DIO2: variants seen among roughly 807,000 people sequenced by gnomAD.
DIO2 encodes type II iodothyronine deiodinase.
DIO2 carries 19 observed loss-of-function variants against 21.4 expected under a neutral mutation model. That is an observed-to-expected ratio of 0.89 (90% confidence interval 0.62 to 1.30). The LOEUF (loss-of-function observed/expected upper bound fraction) is 1.30, where lower values mean the gene tolerates loss of function less well. Ranked by LOEUF, DIO2 falls within the 50% of genes most tolerant of loss-of-function variation. DIO2 has a pLI of 0.00. For synonymous variants in DIO2, 122 were observed against 132.9 expected (o/e 0.92, Z 0.57); for missense variants, 302 against 338.1 (o/e 0.89, Z 0.84).
At chr14:80,230,606 C>G (rs1471853435) in intron 2 of DIO2, among the ~76,000 whole-genome samples, 1 of 152,124 alleles carries the variant, frequency 6.6e-6, no homozygotes, top group Non-Finnish European at 1.5e-5. Context: ...AACTCCTTAC[C>G]TCTCATGAGC....
At chr14:80,226,850 C>A (rs953061821) in intron 2 of DIO2, among the ~76,000 whole-genome samples, 16 of 152,340 alleles carry the variant, frequency 1.1e-4, no homozygotes, top group African/African-American at 3.8e-4. Flanking sequence ...CATTGGTCAG[C>A]ACTCACATGG....
In DIO2 at chr14:80,203,067, T is replaced by C. The variant is rs1171082096; in HGVS notation, c.444A>G (p.Glu148=). The change falls in exon 2 of 2, where the codon GAA becomes GAG. Residue 148 remains glutamate, a synonymous_variant. Transcript: ENST00000438257. ...SQLPAFRKLV[E]EFSSVADFLL... is the part of the protein sequence containing the mutation. ...GGAAGTCAGCCACTGAGGAGAACTC[T>C]TCCACCAGTTTGCGGAAGGCTGGCA... 6.2e-7 allele frequency: 1 copy of C among 1,613,940 alleles called. No individual in the cohort carries two copies. The highest frequency in any genetic ancestry group is 1.1e-5 in the South Asian group (1 of 91,074).
chr14:80,223,070 A>C (rs1888498066), intron 2 of DIO2, among the ~76,000 whole-genome samples: 1 of 151,112 alleles, frequency 6.6e-6, no homozygotes, highest in Non-Finnish European at 1.5e-5. Flanking sequence ...CTGGTCTCAA[A>C]CTCCTGGGCT....
rs528367596 is a variant in DIO2 at position 80,220,693 on chromosome 14, CA to C, written c.-277-3957del. On this transcript the variant is annotated intron_variant, in intron 2 of 4. Transcript: ENST00000553594. ...TATAACTAAAAATGACTTTAATCTA[CA>C]TTTCCATTCTTCCAATTCTCCTCAG... 1.7e-4 allele frequency among the ~76,000 whole-genome samples: 26 copies of C among 152,292 alleles called. 1 individual carries two copies. The Middle Eastern group carries it at 0.01, about 60-fold the overall frequency.
chr14:80,230,295 A>T (rs902125143), intron 2 of DIO2, among the ~76,000 whole-genome samples: 5 of 152,090 alleles, frequency 3.3e-5, no homozygotes, highest in African/African-American at 1.2e-4. Flanking sequence ...CCTCACTTTA[A>T]CAGTAGACAC....
At position 80,202,504 on chromosome 14, in the gene DIO2, A is replaced by C; in HGVS notation, c.*185T>G. On this transcript the variant is annotated 3_prime_UTR_variant, in exon 2 of 2. Transcript: ENST00000438257. ...AAGAAGAGAGGTGATATGGTTACTT[A>C]CTCAGCCCAATGCCATTTGAGTAGT... 2 of 735,060 alleles carry C rather than the reference A, an allele frequency of 2.7e-6. No individual in the cohort carries two copies. The highest frequency in any genetic ancestry group is 4.2e-5 in the Admixed American group (2 of 47,266). 45.5% of individuals were successfully genotyped at this position (735,060 alleles called of 1,614,324 possible).
chr14:80,210,246 G>A (rs1888122170), intron 1 of DIO2, among the ~76,000 whole-genome samples: 1 of 152,174 alleles, frequency 6.6e-6, no homozygotes, highest in African/African-American at 2.4e-5. Context: ...GGGCATAGCA[G>A]GTGGGGGAAA....
chr14:80,206,159 C>G, intron 1 of DIO2: 2 of 973,614 alleles, frequency 2.1e-6, no homozygotes, highest in Non-Finnish European at 3.1e-6. Flanking sequence ...CATGAAGGTG[C>G]CTAGGCAAGA....
upstream of DIO2, among the ~76,000 whole-genome samples, chr14:80,213,467 T>C (rs965456146): frequency 2.0e-5 from 3 of 152,198 alleles, no homozygotes; most frequent in Admixed American, 2.0e-4. Context: ...TAATTTGTCG[T>C]CCTGTTAGCT....
intron 2 of DIO2, among the ~76,000 whole-genome samples, chr14:80,223,078 G>A (rs1403775102): frequency 2.0e-5 from 3 of 151,882 alleles, no homozygotes; most frequent in African/African-American, 2.4e-5. Flanking sequence ...AAACTCCTGG[G>A]CTCAAGAGAT....
chr14:80,227,593 A>T (rs980608891), intron 2 of DIO2, among the ~76,000 whole-genome samples: 25 of 152,250 alleles, frequency 1.6e-4, no homozygotes, highest in Admixed American at 1.3e-3. Flanking sequence ...ATGCTCCAAA[A>T]TCCTACAGGC....
chr14:80,214,213 C>A (rs1566665359), upstream of DIO2, among the ~76,000 whole-genome samples: 1 of 152,172 alleles, frequency 6.6e-6, no homozygotes, highest in Non-Finnish European at 1.5e-5. Flanking sequence ...GAATCTCTCC[C>A]CTTCTCAGAC....
At chr14:80,216,946 A>G (rs1019474196) in intron 2 of DIO2, among the ~76,000 whole-genome samples, 1 of 152,200 alleles carries the variant, frequency 6.6e-6, no homozygotes, top group African/African-American at 2.4e-5. Flanking sequence ...CACCTCCCTC[A>G]TATGCTGAAA....
At chr14:80,225,810 G>A (rs528790875) in intron 2 of DIO2, among the ~76,000 whole-genome samples, 1 of 152,178 alleles carries the variant, frequency 6.6e-6, no homozygotes, top group African/African-American at 2.4e-5. Flanking sequence ...CCTTAATGGT[G>A]CAGTAGACTG....
Position 80,202,387 on chromosome 14 carries a change from G to A in DIO2, c.*302C>T, listed in dbSNP as rs374883683. 102 of 619,818 alleles carry A rather than the reference G, an allele frequency of 1.6e-4. No homozygotes were observed. In the African/African-American group the frequency reaches 1.8e-3, roughly 11 times the overall value. 38.4% of individuals were successfully genotyped at this position (619,818 alleles called of 1,614,324 possible). A position where few individuals can be genotyped will look rare whatever the true frequency, so the allele number is the denominator to read the frequency against. ...TCTGGTCTCAAAGCATGCATCAGAT[G>A]TATCAGTTCCTTCTCAATGCAGAAT... On this transcript the variant is annotated 3_prime_UTR_variant, in exon 2 of 2. Transcript: ENST00000438257.
At chr14:80,206,416 A>G (rs1300902622) in intron 1 of DIO2, 3 of 764,210 alleles carry the variant, frequency 3.9e-6, no homozygotes, top group East Asian at 2.9e-5. Context: ...AAAGGATATT[A>G]CTGTTCATTC....
chr14:80,203,547 G>T (rs1887831912), intron 1 of DIO2, among the ~76,000 whole-genome samples: 1 of 152,148 alleles, frequency 6.6e-6, no homozygotes, highest in Non-Finnish European at 1.5e-5. Context: ...ATCACTGAAG[G>T]CACTGGAGTT....
chr14:80,199,613 T>C lies in DIO2; in HGVS notation c.*3076A>G, dbSNP rs1459917545. ...TTGTTGATCCCACTAGTATTTTCAC[T>C]AAGCAATAAATAAAGTCAGTTTTTG... On this transcript the variant is annotated 3_prime_UTR_variant, in exon 2 of 2. Transcript: ENST00000438257. 1 of 152,584 alleles carries C rather than the reference T, an allele frequency of 6.6e-6. No individual in the cohort carries two copies. The highest frequency in any genetic ancestry group is 2.4e-5 in the African/African-American group (1 of 41,458). The allele number at this position is 152,584 out of a possible 1,614,324, so 9.5% of individuals were successfully genotyped here.
At chr14:80,203,601 C>G (rs1403026829) in intron 1 of DIO2, among the ~76,000 whole-genome samples, 1 of 152,186 alleles carries the variant, frequency 6.6e-6, no homozygotes, top group East Asian at 1.9e-4. Context: ...CTTTACTATC[C>G]TTATTTTGCT....
Sources: allele counts gnomAD v4.1 joint callset (sites outside exome capture counted in the v4.1 genomes callset), GRCh38; gene constraint gnomAD v4.1.1; transcripts MANE v1.5; gene names NCBI Gene and HGNC (gene_info 2026-07-23, HGNC 2026-07-21).